The following ATP6V0D2 variants were observed in gnomAD, a reference collection of about 807,000 sequenced individuals.
ATP6V0D2 encodes ATPase H+ transporting V0 subunit d2, also known as V-type proton ATPase subunit d 2.
A neutral mutation model predicts 40.0 loss-of-function variants in ATP6V0D2; 40 were observed. The ratio of observed to expected loss-of-function variants is 1.00; its 90% CI spans 0.78 to 1.30. ATP6V0D2 has a LOEUF of 1.30. Ranked by LOEUF, ATP6V0D2 falls within the 50% of genes most tolerant of loss-of-function variation. The pLI is 0.00. For synonymous variants in ATP6V0D2, 179 were observed against 156.3 expected (o/e 1.15, Z -1.08); for missense variants, 470 against 423.1 (o/e 1.11, Z -0.97).
Position 86,123,397 on chromosome 8 carries a change from G to C in ATP6V0D2, c.302+9517G>C, listed in dbSNP as rs144761513. Among the ~76,000 whole-genome samples, 540 of 152,160 alleles carry C rather than the reference G, an allele frequency of 3.5e-3. 3 individuals are homozygous for C. The highest frequency in any genetic ancestry group is 5.9e-3 in the Non-Finnish European group (398 of 68,004). Reference sequence around the variant, plus strand: ...TGTATGTTTTTACTTTTTAACTCCTGCTTCGCAAAGTGAGGGAGCTGATCG... The same window carrying C: ...TGTATGTTTTTACTTTTTAACTCCTCCTTCGCAAAGTGAGGGAGCTGATCG... On this transcript the variant is annotated intron_variant, in intron 2 of 7. Coordinates refer to ENST00000285393, the MANE Select transcript of ATP6V0D2 (RefSeq NM_152565.1).
At chr8:86,115,229 C>T (rs1056114557) in intron 2 of ATP6V0D2, among the ~76,000 whole-genome samples, 13 of 152,040 alleles carry the variant, frequency 8.6e-5, no homozygotes, top group African/African-American at 2.9e-4. Flanking sequence ...GTTTCAGCCT[C>T]TGTCTGGTTG....
chr8:86,149,560 C>G (rs1016735604), intron 5 of ATP6V0D2, among the ~76,000 whole-genome samples: 5 of 152,076 alleles, frequency 3.3e-5, no homozygotes, highest in Admixed American at 6.6e-5. Flanking sequence ...TTATTGATAC[C>G]TCACCTAGGA....
At chr8:86,138,860 T>G (rs1350943997) in intron 2 of ATP6V0D2, among the ~76,000 whole-genome samples, 3 of 152,176 alleles carry the variant, frequency 2.0e-5, no homozygotes, top group African/African-American at 7.2e-5. Context: ...AGAATGACTG[T>G]GGAGGGGCTT....
chr8:86,133,216 A>G (rs1409295247), intron 2 of ATP6V0D2, among the ~76,000 whole-genome samples: 1 of 150,832 alleles, frequency 6.6e-6, no homozygotes, highest in Non-Finnish European at 1.5e-5. Context: ...AAAATCTTAC[A>G]GCCCAGAAAG....
Position 86,106,364 on chromosome 8 carries a change from C to T in ATP6V0D2, c.130+7256C>T, listed in dbSNP as rs542298417. ...CCCAGGCTGGTCTTGAACTCCTGGC[C>T]TCAAACAATCCTCCTGCTTCAGCCT... On this transcript the variant is annotated intron_variant, in intron 1 of 7. Transcript: ENST00000285393. Among the ~76,000 whole-genome samples, 7 of 152,184 alleles carry T rather than the reference C, an allele frequency of 4.6e-5. No individual in the cohort carries two copies. The South Asian group carries it at 1.4e-3, about 32-fold the overall frequency.
chr8:86,151,627 G>A, intron 7 of ATP6V0D2, 87 bp downstream of exon 7: 1 of 1,015,458 alleles, frequency 9.8e-7, no homozygotes, highest in Non-Finnish European at 1.5e-6. Context: ...TCTTTTTACA[G>A]CTGATCATGC....
intron 2 of ATP6V0D2, among the ~76,000 whole-genome samples, chr8:86,121,742 TG>T (rs57293850): frequency 0.18 from 27,652 of 152,062 alleles, 2,969 homozygotes; most frequent in East Asian, 0.31. Context: ...CAGTATATCT[TG>T]CAAATTCGAG....
intron 1 of ATP6V0D2, 135 bp downstream of exon 1, chr8:86,099,243 C>A (rs1818360962): frequency 3.2e-6 from 3 of 940,448 alleles, no homozygotes; most frequent in Non-Finnish European, 4.3e-6. Context: ...TCCTGCAGTC[C>A]AGATTTCTGG....
intron 2 of ATP6V0D2, among the ~76,000 whole-genome samples, chr8:86,119,894 A>G (rs1212913119): frequency 6.6e-6 from 1 of 152,190 alleles, no homozygotes; most frequent in Non-Finnish European, 1.5e-5. Flanking sequence ...ATGGGCATTG[A>G]ATATTTGTTG....
At chr8:86,146,289 A>G (rs1359656050) in intron 5 of ATP6V0D2, among the ~76,000 whole-genome samples, 14 of 152,214 alleles carry the variant, frequency 9.2e-5, no homozygotes, top group Non-Finnish European at 4.4e-5. Flanking sequence ...AAAAATGCTT[A>G]TCACTGGGAT....
At chr8:86,146,010 G>C (rs529199650) in intron 5 of ATP6V0D2, among the ~76,000 whole-genome samples, 1 of 152,128 alleles carries the variant, frequency 6.6e-6, no homozygotes, top group Non-Finnish European at 1.5e-5. Context: ...CTTACCCGAC[G>C]TCTCACAGCT....
At chr8:86,099,668 A>G (rs1434710187) in intron 1 of ATP6V0D2, among the ~76,000 whole-genome samples, 1 of 152,092 alleles carries the variant, frequency 6.6e-6, no homozygotes, top group Non-Finnish European at 1.5e-5. Flanking sequence ...TAATTTTTGT[A>G]CTTTTTGGAG....
chr8:86,132,365 C>A (rs994545136), intron 2 of ATP6V0D2, among the ~76,000 whole-genome samples: 1 of 151,974 alleles, frequency 6.6e-6, no homozygotes, highest in African/African-American at 2.4e-5. Flanking sequence ...TGTAATATGT[C>A]ATACATTGTT....
intron 2 of ATP6V0D2, among the ~76,000 whole-genome samples, chr8:86,119,055 T>C (rs1818632696): frequency 6.6e-6 from 1 of 152,130 alleles, no homozygotes; most frequent in Admixed American, 6.5e-5. Flanking sequence ...CAATTTTATC[T>C]GAATCAGAAA....
intron 2 of ATP6V0D2, among the ~76,000 whole-genome samples, chr8:86,116,277 C>G (rs1818590945): frequency 6.6e-6 from 1 of 152,172 alleles, no homozygotes; most frequent in African/African-American, 2.4e-5. Flanking sequence ...ACACACTCTC[C>G]CACCCACACA....
Position 86,140,444 on chromosome 8 carries a change from G to A in ATP6V0D2, c.481+809G>A, listed in dbSNP as rs151113275. ...ATGAGCATGAAACCAGGCTCTGCCCGGTCCCAGCAAGGTGACTAGGAGCAA... is the reference window on the plus strand; with the variant it reads ...ATGAGCATGAAACCAGGCTCTGCCCAGTCCCAGCAAGGTGACTAGGAGCAA... On this transcript the variant is annotated intron_variant, in intron 3 of 7. Transcript: ENST00000285393. Among the ~76,000 whole-genome samples the A allele has an allele frequency of 1.4e-3, 210 of 152,164 alleles. No homozygotes were observed. In the East Asian group the frequency reaches 0.02, roughly 15 times the overall value.
At chr8:86,150,052 A>C in intron 5 of ATP6V0D2, 60 bp from the exon 6 acceptor site, 1 of 1,465,424 alleles carries the variant, frequency 6.8e-7, no homozygotes, top group Non-Finnish European at 9.4e-7. Context: ...TGCACTTAAG[A>C]GTCTGTTTAT....
At position 86,140,731 on chromosome 8, in the gene ATP6V0D2, A is replaced by G. The variant is rs184172758; in HGVS notation, c.482-719A>G. ...GTGAGGTTTAGGGCAGCAGTCCCCA[A>G]CCTTTAGGGCAACAGGGACTGGTTT... On this transcript the variant is annotated intron_variant, in intron 3 of 7. Coordinates refer to ENST00000285393, the MANE Select transcript of ATP6V0D2 (RefSeq NM_152565.1). Among the ~76,000 whole-genome samples the G allele has an allele frequency of 1.4e-4, 21 of 152,228 alleles. No homozygotes were observed. In the East Asian group the frequency reaches 3.9e-3, roughly 28 times the overall value.
chr8:86,125,430 T>C (rs1818727115), intron 2 of ATP6V0D2, among the ~76,000 whole-genome samples: 1 of 152,214 alleles, frequency 6.6e-6, no homozygotes, highest in African/African-American at 2.4e-5. Flanking sequence ...TTATTTTAAC[T>C]TGTTTATTTT....
Sources: allele counts gnomAD v4.1 joint callset (sites outside exome capture counted in the v4.1 genomes callset), GRCh38; gene constraint gnomAD v4.1.1; transcripts MANE v1.5; gene names NCBI Gene and HGNC (gene_info 2026-07-23, HGNC 2026-07-21).